Variants in GPR101 observed in about 807,000 individuals in gnomAD.
The protein encoded by GPR101 is probable G protein-coupled receptor 101.
A neutral mutation model predicts 16.4 loss-of-function variants in GPR101; 8 were observed. The observed-to-expected ratio is 0.49, with a 90% CI of 0.29 to 0.88. GPR101 has a LOEUF of 0.88. Ranked by LOEUF, GPR101 falls within the 40% of genes least tolerant of loss-of-function variation. GPR101 has a pLI of 0.09. For synonymous variants in GPR101, 155 were observed against 168.7 expected (o/e 0.92, Z 0.63); for missense variants, 375 against 411.7 (o/e 0.91, Z 0.77).
At position 137,027,085 on chromosome X, in the gene GPR101, G is replaced by C. The variant is rs1159745986; in HGVS notation, c.*3063C>G. On this transcript the variant is annotated 3_prime_UTR_variant, in exon 2 of 2. Transcript: ENST00000651716. The stretch of plus-strand genomic sequence containing the variant: ...CTGGTACTTGTGGTGTCTCAGAGAA[G>C]TGGGACCCTAGCATCACAGAAGTCA... Among the ~76,000 whole-genome samples the C allele has an allele frequency of 1.8e-5, 2 of 108,367 alleles. No homozygotes were observed. The highest frequency in any genetic ancestry group is 5.7e-4 in the East Asian group (2 of 3,490). 94.1% of individuals were successfully genotyped at this position (108,367 alleles called of 115,157 possible). A position where few individuals can be genotyped will look rare whatever the true frequency, so the allele number is the denominator to read the frequency against.
chrX:137,031,145 T>A lies in GPR101; in HGVS notation c.530A>T (p.Glu177Val), dbSNP rs1457293970. The A allele has an allele frequency of 8.3e-7, 1 of 1,211,564 alleles. No individual in the cohort carries two copies. The highest frequency in any genetic ancestry group is 1.8e-5 in the South Asian group (1 of 56,894). ...GATCATGGAGCAGAGAGCATTGCGC[T>A]CATCAAAGGCAGCCTGGCCCCAGCC... ...LYGWGQAAFD[E>V]RNALCSMIWG... Residue 177 changes from glutamate to valine, a missense_variant, in exon 2 of 2, where the codon GAG becomes GTG. Coordinates refer to ENST00000651716, the MANE Select transcript of GPR101 (RefSeq NM_054021.2).
In GPR101 at chrX:137,030,797, G is replaced by A. The variant is rs73566014; in HGVS notation, c.878C>T (p.Thr293Ile). 0.011 allele frequency: 13,687 copies of A among 1,208,899 alleles called. 755 individuals carry two copies. The African/African-American group carries it at 0.18, about 16-fold the overall frequency. The change falls in exon 2 of 2, where the codon ACC (threonine) becomes ATC (isoleucine). Residue 293 changes from threonine (T) to isoleucine (I), a missense_variant. Thr to Ile is a moderately conservative substitution (Grantham distance 89). Transcript: ENST00000651716. ...SLKAKEGSTGTSESSVEARGS... is the reference protein window; with the variant it reads ...SLKAKEGSTGISESSVEARGS... ...CCTGGCCTCTACACTACTCTCACTG[G>A]TCCCCGTGCTTCCTTCCTTGGCCTT...
rs1189174555 is a variant in GPR101, at chrX:137,028,757, A to T, written c.*1391T>A. 8.9e-6 allele frequency among the ~76,000 whole-genome samples: 1 copy of T among 112,651 alleles called. No homozygotes were observed. The highest frequency in any genetic ancestry group is 2.8e-4 in the East Asian group (1 of 3,612). On this transcript the variant is annotated 3_prime_UTR_variant, in exon 2 of 2. Transcript: ENST00000651716. Reference sequence around the variant, plus strand: ...TATTTTGCGGTTTGGGATTTGAGGAATGTTCCTGTGAATTGACCCTAGGGA... The same window carrying T: ...TATTTTGCGGTTTGGGATTTGAGGATTGTTCCTGTGAATTGACCCTAGGGA...
chrX:137,027,060 C>T lies in GPR101; in HGVS notation c.*3088G>A, dbSNP rs770609529. ...GGAAGTGCAGAGGCCTTCCAAGCAG[C>T]TGGTACTTGTGGTGTCTCAGAGAAG... On this transcript the variant is annotated 3_prime_UTR_variant, in exon 2 of 2. Coordinates refer to ENST00000651716, the MANE Select transcript of GPR101 (RefSeq NM_054021.2). Among the ~76,000 whole-genome samples the T allele has an allele frequency of 4.6e-5, 5 of 108,647 alleles. No individual in the cohort carries two copies. The East Asian group carries it at 1.1e-3, about 25-fold the overall frequency. 94.3% of individuals were successfully genotyped at this position (108,647 alleles called of 115,157 possible). A position where few individuals can be genotyped will look rare whatever the true frequency, so the allele number is the denominator to read the frequency against.
chrX:137,028,900 A>G lies in GPR101; in HGVS notation c.*1248T>C, dbSNP rs1927206635. Among the ~76,000 whole-genome samples, 1 of 112,328 alleles carries G rather than the reference A, an allele frequency of 8.9e-6. No individual in the cohort carries two copies. The highest frequency in any genetic ancestry group is 3.2e-5 in the African/African-American group (1 of 30,932). On this transcript the variant is annotated 3_prime_UTR_variant, in exon 2 of 2. Coordinates refer to ENST00000651716, the MANE Select transcript of GPR101 (RefSeq NM_054021.2). ...GTTTGGAATAGGTTACATGTTTTCT[A>G]GGTATTGTGAAATCATCCTCTTTGT...
intron 1 of GPR101, among the ~76,000 whole-genome samples, chrX:137,031,970 T>C (rs1927276359): frequency 9.0e-6 from 1 of 111,051 alleles, no homozygotes; most frequent in Admixed American, 9.5e-5. Context: ...CTCTCATCTG[T>C]TTCTCCTGCT....
chrX:137,032,765 T>C (rs1927292947), intron 1 of GPR101, among the ~76,000 whole-genome samples: 1 of 109,892 alleles, frequency 9.1e-6, no homozygotes. Flanking sequence ...CTAAGTTCTC[T>C]CTGCATTACT....
In GPR101 at chrX:137,031,052, A is replaced by T. The variant is rs1346713664; in HGVS notation, c.623T>A (p.Met208Lys). 9.9e-6 allele frequency: 12 copies of T among 1,212,168 alleles called. No homozygotes were observed. The highest frequency in any genetic ancestry group is 1.3e-5 in the Non-Finnish European group (12 of 895,598). Residue 208 changes from methionine to lysine, a missense_variant, in exon 2 of 2, where the codon ATG becomes AAG. Met to Lys is a moderately conservative substitution (Grantham distance 95). Coordinates refer to ENST00000651716, the MANE Select transcript of GPR101 (RefSeq NM_054021.2). ...GAACACCACGGAGTAGCAGGCAATC[A>T]TGACAATCAGTGGAATGACGATGAA... ...VSFIVIPLIV[M>K]IACYSVVFCA...
Position 137,027,698 on chromosome X carries a change from A to G in GPR101, c.*2450T>C, listed in dbSNP as rs1329400693. Among the ~76,000 whole-genome samples the G allele has an allele frequency of 8.9e-6, 1 of 112,333 alleles. No homozygotes were observed. Among genetic ancestry groups the G allele is most frequent in the Non-Finnish European group, 1.9e-5 (1 of 53,250 alleles). ...AAAATAGGGAAAAGAGGAACTTCAA[A>G]AAGGAAAGGGAATCTCAGTGCCCTT... On this transcript the variant is annotated 3_prime_UTR_variant, in exon 2 of 2. Coordinates refer to ENST00000651716, the MANE Select transcript of GPR101 (RefSeq NM_054021.2).
rs776199609 is a variant in GPR101, at chrX:137,031,624, C to G, written c.51G>C (p.Thr17=). The change falls in exon 2 of 2, where the codon ACG becomes ACC. Residue 17 remains threonine (T), a synonymous_variant. Transcript: ENST00000651716. The part of the protein sequence containing the change: ...NSTRESNSSH[T]CMPLSKMPIS... The stretch of plus-strand genomic sequence containing the variant: ...TGGGCATTTTGGAGAGGGGCATGCA[C>G]GTGTGGCTGCTGTTACTCTCGCGCG... The G allele has an allele frequency of 1.7e-6, 2 of 1,200,126 alleles. No individual in the cohort carries two copies. Among genetic ancestry groups the G allele is most frequent in the Non-Finnish European group, 2.2e-6 (2 of 889,429 alleles).
intron 1 of GPR101, among the ~76,000 whole-genome samples, chrX:137,032,579 T>G (rs1927288530): frequency 9.0e-6 from 1 of 110,743 alleles, no homozygotes; most frequent in Non-Finnish European, 1.9e-5. Context: ...ACCTGTTCAA[T>G]GTCGTTCGCT....
chrX:137,032,979 C>T (rs73566016), intron 1 of GPR101, among the ~76,000 whole-genome samples: 5,996 of 111,121 alleles, frequency 0.054, 403 homozygotes, highest in African/African-American at 0.18. Context: ...TGGCCCCTCA[C>T]CTTGGTTTTT....
intron 1 of GPR101, among the ~76,000 whole-genome samples, chrX:137,032,487 G>A: frequency 9.1e-6 from 1 of 110,380 alleles, no homozygotes; most frequent in Non-Finnish European, 1.9e-5. Flanking sequence ...GTGTGTCTCC[G>A]TCTTTCCCTA....
Position 137,031,574 on chromosome X carries a change from C to T in GPR101, c.101G>A (p.Arg34His). ...GAGGAAGATAACCAGCACGGTTGAG[C>T]GGATGATGCCGTGGGCCAGGCTGAT... ...MPISLAHGIIRSTVLVIFLAA... is the reference protein window; with the variant it reads ...MPISLAHGIIHSTVLVIFLAA... Residue 34 changes from arginine to histidine, a missense_variant, in exon 2 of 2, where the codon CGC (arginine) becomes CAC (histidine). Coordinates refer to ENST00000651716, the MANE Select transcript of GPR101 (RefSeq NM_054021.2). 2 of 1,211,005 alleles carry T rather than the reference C, an allele frequency of 1.7e-6. No individual in the cohort carries two copies. The highest frequency in any genetic ancestry group is 2.2e-5 in the Admixed American group (1 of 46,024).
At position 137,030,467 on chromosome X, in the gene GPR101, A is replaced by T; in HGVS notation, c.1208T>A (p.Ile403Asn). The T allele has an allele frequency of 8.3e-7, 1 of 1,211,434 alleles. No homozygotes were observed. The highest frequency in any genetic ancestry group is 1.8e-5 in the South Asian group (1 of 56,901). The change falls in exon 2 of 2, where the codon ATC becomes AAC. Residue 403 changes from isoleucine (I) to asparagine (N), a missense_variant. Physicochemically the swap from Ile to Asn is moderately radical, Grantham distance 149. Coordinates refer to ENST00000651716, the MANE Select transcript of GPR101 (RefSeq NM_054021.2). ...GGATAGCACATAGGAGAAAATGATG[A>T]TGAAGATCACTTTAGCAGCTTTGCA... ...YQCKAAKVIF[I>N]IIFSYVLSLG...
chrX:137,030,087 A>G lies in GPR101; in HGVS notation c.*61T>C. On this transcript the variant is annotated 3_prime_UTR_variant, in exon 2 of 2. Transcript: ENST00000651716. ...CATTAATGAATTGTGGGTCCATTGA[A>G]AAGAAATCTCCTCTTGTTTCTCGTG... The G allele has an allele frequency of 9.6e-7, 1 of 1,045,989 alleles. No homozygotes were observed. The highest frequency in any genetic ancestry group is 1.3e-6 in the Non-Finnish European group (1 of 777,407). 86.2% of individuals were successfully genotyped at this position (1,045,989 alleles called of 1,213,427 possible).
At position 137,025,358 on chromosome X, in the gene GPR101, A is replaced by T. The variant is rs1214886404; in HGVS notation, c.*4790T>A. Reference sequence around the variant, plus strand: ...AACACAATCTAATATCTAGCACCGTATCTCCAAGAACACTTACATTTTATA... The same window carrying T: ...AACACAATCTAATATCTAGCACCGTTTCTCCAAGAACACTTACATTTTATA... On this transcript the variant is annotated 3_prime_UTR_variant, in exon 2 of 2. Coordinates refer to ENST00000651716, the MANE Select transcript of GPR101 (RefSeq NM_054021.2). Among the ~76,000 whole-genome samples the T allele has an allele frequency of 1.8e-5, 2 of 112,243 alleles. 1 individual carries two copies. The highest frequency in any genetic ancestry group is 6.5e-5 in the African/African-American group (2 of 30,850).
At position 137,031,288 on chromosome X, in the gene GPR101, G is replaced by A; in HGVS notation, c.387C>T (p.Arg129=). ...AGAGAGGGTGGATGATGGACAAGTA[G>A]CGATCCACTGACACCACGACAATGG... is the stretch of plus-strand genomic sequence containing the variant. The part of the protein sequence containing the change: ...VNTIVVVSVD[R]YLSIIHPLSY... The change falls in exon 2 of 2, where the codon CGC becomes CGT. Residue 129 remains arginine (R), a synonymous_variant. Coordinates refer to ENST00000651716, the MANE Select transcript of GPR101 (RefSeq NM_054021.2). 8.3e-7 allele frequency: 1 copy of A among 1,210,439 alleles called. No individual in the cohort carries two copies. The highest frequency in any genetic ancestry group is 1.1e-6 in the Non-Finnish European group (1 of 894,889).
rs1311829530 is a variant in GPR101, at chrX:137,031,774, CAAAAG to C, written c.-92-13_-92-9del. On this transcript the variant is annotated splice_polypyrimidine_tract_variant and intron_variant, in intron 1 of 1. Coordinates refer to ENST00000651716, the MANE Select transcript of GPR101 (RefSeq NM_054021.2). ...CCGCACTCAGTGCCTATGCTGGTGA[CAAAAG>C]AAACACGCAGGCAGAGTTAGTCACC... 5 of 680,426 alleles carry C rather than the reference CAAAAG, an allele frequency of 7.3e-6. No individual in the cohort carries two copies. Among genetic ancestry groups the C allele is most frequent in the African/African-American group, 2.2e-5 (1 of 45,642 alleles). 56.1% of individuals were successfully genotyped at this position (680,426 alleles called of 1,213,427 possible).
Sources: gnomAD v4.1 joint callset for allele counts (sites outside exome capture counted in the v4.1 genomes callset) on GRCh38, gnomAD v4.1.1 for gene constraint, MANE v1.5 for transcripts, NCBI Gene and HGNC (gene_info 2026-07-23, HGNC 2026-07-21) for gene names.